Variants in TPR observed in about 807,000 individuals in gnomAD.
The protein encoded by TPR is translocated promoter region, nuclear basket protein, also known as nucleoprotein TPR.
A neutral mutation model predicts 316.1 loss-of-function variants in TPR; 51 were observed. The observed-to-expected ratio is 0.16, with a 90% CI of 0.13 to 0.20. The LOEUF is 0.20. Among genes scored for constraint, TPR ranks in the 10% least tolerant of loss-of-function variants. The pLI is 1.00. For missense variants in TPR, 2,272 were observed against 2,754.8 expected (o/e 0.82, Z 3.92); for synonymous variants, 981 against 914.7 (o/e 1.07, Z -1.31).
intron 27 of TPR, chr1:186,342,856 T>C (rs1328068233): frequency 1.3e-5 from 2 of 152,258 alleles, no homozygotes; most frequent in Non-Finnish European, 2.9e-5. Context: ...TTTACTACTT[T>C]TTGCTCCTTG....
intron 2 of TPR, among the ~76,000 whole-genome samples, chr1:186,371,473 T>A (rs1011027247): frequency 6.6e-6 from 1 of 152,298 alleles, no homozygotes; most frequent in African/African-American, 2.4e-5. Flanking sequence ...AATGAATATT[T>A]GCAATTCCTA....
In TPR at chr1:186,339,779, T is replaced by C. The variant is rs1658457151; in HGVS notation, c.4021-7A>G. 1.3e-6 allele frequency: 2 copies of C among 1,561,586 alleles called. No homozygotes were observed. The highest frequency in any genetic ancestry group is 8.6e-7 in the Non-Finnish European group (1 of 1,159,862). On this transcript the variant is annotated splice_polypyrimidine_tract_variant and splice_region_variant and intron_variant, in intron 29 of 50. Transcript: ENST00000367478. ...TCTGTTGACTTACTAGATGCTAGAA[T>C]AACAAAAATGCATACTTGATTTTTT...
rs1202839792 is a variant in TPR, at chr1:186,313,005, G to A, written c.*966C>T. The A allele has an allele frequency of 3.1e-5, 36 of 1,171,094 alleles. No individual in the cohort carries two copies. Among genetic ancestry groups the A allele is most frequent in the South Asian group, 5.0e-5 (4 of 80,732 alleles). 72.5% of individuals were successfully genotyped at this position (1,171,094 alleles called of 1,614,324 possible). On this transcript the variant is annotated 3_prime_UTR_variant, in exon 51 of 51. Transcript: ENST00000367478. ...GACTGAATGTGAGAAGTTACACTAC[G>A]GTACTTATTCTAATTGCTGTGGAAA...
chr1:186,359,842 T>C lies in TPR; in HGVS notation c.1346A>G (p.Lys449Arg). ...CTTAACAGATAAACTTGCTACAGCT[T>C]TCTGTGCACGTTCATATTCCTCACG... Reference protein sequence around the residue: ...RQREEYERAQKAVASLSVKLE... With the variant: ...RQREEYERAQRAVASLSVKLE... The change falls in exon 12 of 51, where the codon AAA (lysine) becomes AGA (arginine). Residue 449 changes from lysine to arginine, a missense_variant. Coordinates refer to ENST00000367478, the MANE Select transcript of TPR (RefSeq NM_003292.3). The C allele has an allele frequency of 1.3e-6, 2 of 1,590,848 alleles. No individual in the cohort carries two copies. The highest frequency in any genetic ancestry group is 1.7e-6 in the Non-Finnish European group (2 of 1,174,166).
In TPR at chr1:186,313,675, A is replaced by C. The variant is rs755758344; in HGVS notation, c.*296T>G. 4 of 1,562,996 alleles carry C rather than the reference A, an allele frequency of 2.6e-6. No homozygotes were observed. The East Asian group carries it at 6.7e-5, about 26-fold the overall frequency. ...TAACTAAAAAAATGTTTTCTCTTCC[A>C]TTTAGATCAATACTATAACATTGAT... On this transcript the variant is annotated 3_prime_UTR_variant, in exon 51 of 51. Transcript: ENST00000367478.
chr1:186,322,183 C>A, intron 45 of TPR, 135 bp downstream of exon 45: 2 of 782,488 alleles, frequency 2.6e-6, no homozygotes, highest in Admixed American at 3.1e-5. Flanking sequence ...CTCAACTGAC[C>A]TACCCCAAGT....
At chr1:186,353,529 C>T (rs1044998077) in intron 18 of TPR, among the ~76,000 whole-genome samples, 159 bp downstream of exon 18, 4 of 152,182 alleles carry the variant, frequency 2.6e-5, no homozygotes, top group Admixed American at 6.5e-5. Context: ...ACCCCACTAA[C>T]GCACACTGGC....
rs550872074 is a variant in TPR at position 186,347,530 on chromosome 1, A to C, written c.2777-72T>G. On this transcript the variant is annotated intron_variant, in intron 21 of 50. Transcript: ENST00000367478. ...TAGAGATGACTGTTATAAAGAGCTTATGAAATTAGCATTAAGGTTCAAATA... is the reference window on the plus strand; with the variant it reads ...TAGAGATGACTGTTATAAAGAGCTTCTGAAATTAGCATTAAGGTTCAAATA... 28 of 1,458,156 alleles carry C rather than the reference A, an allele frequency of 1.9e-5. No individual in the cohort carries two copies. The South Asian group carries it at 3.2e-4, about 17-fold the overall frequency. 90.3% of individuals were successfully genotyped at this position (1,458,156 alleles called of 1,614,324 possible). A position where few individuals can be genotyped will look rare whatever the true frequency, so the allele number is the denominator to read the frequency against.
intron 4 of TPR, 90 bp from the exon 5 acceptor site, chr1:186,363,535 T>G: frequency 1.2e-6 from 1 of 865,086 alleles, no homozygotes; most frequent in South Asian, 1.6e-5. Flanking sequence ...ATATAAACCT[T>G]TAATACAAAG....
chr1:186,349,723 G>C (rs16825224), intron 21 of TPR, among the ~76,000 whole-genome samples: 20,394 of 151,520 alleles, frequency 0.13, 1,508 homozygotes, highest in Non-Finnish European at 0.16. Flanking sequence ...AGACACAAAG[G>C]CTTCGAACTT....
chr1:186,330,132 T>C lies in TPR; in HGVS notation c.5688+1366A>G, dbSNP rs192851248. On this transcript the variant is annotated intron_variant, in intron 39 of 50. Coordinates refer to ENST00000367478, the MANE Select transcript of TPR (RefSeq NM_003292.3). The stretch of plus-strand genomic sequence containing the variant: ...TACATTGTGATTTGAGAGACCAAAA[T>C]AGATGCCATTTTCTCAACTAAGACA... Among the ~76,000 whole-genome samples the C allele has an allele frequency of 2.6e-5, 4 of 152,214 alleles. No homozygotes were observed. In the East Asian group the frequency reaches 5.8e-4, roughly 22 times the overall value.
In TPR at chr1:186,358,656, A is replaced by T. The variant is rs1218088001; in HGVS notation, c.1390-6T>A. On this transcript the variant is annotated splice_polypyrimidine_tract_variant and splice_region_variant and intron_variant, in intron 12 of 50. Coordinates refer to ENST00000367478, the MANE Select transcript of TPR (RefSeq NM_003292.3). The stretch of plus-strand genomic sequence containing the variant: ...TCCTGCAATCGCTGAATCTCCTTTA[A>T]AATGTAAATTCAAGTGAAAATTTTG... 3.1e-6 allele frequency: 5 copies of T among 1,609,972 alleles called. No individual in the cohort carries two copies. The Admixed American group carries it at 8.4e-5, about 27-fold the overall frequency.
Position 186,312,179 on chromosome 1 carries a change from C to A in TPR, c.*1792G>T. On this transcript the variant is annotated 3_prime_UTR_variant, in exon 51 of 51. Transcript: ENST00000367478. Reference sequence around the variant, plus strand: ...TGATATTCTAATACATAACAGGTGGCAGCATTCAGCAGTATATTTATAAAC... The same window carrying A: ...TGATATTCTAATACATAACAGGTGGAAGCATTCAGCAGTATATTTATAAAC... 6.2e-7 allele frequency: 1 copy of A among 1,613,340 alleles called. No individual in the cohort carries two copies. Among genetic ancestry groups the A allele is most frequent in the South Asian group, 1.1e-5 (1 of 91,046 alleles).
chr1:186,363,990 C>T (rs971950979), intron 4 of TPR, among the ~76,000 whole-genome samples: 1 of 152,100 alleles, frequency 6.6e-6, no homozygotes, highest in Non-Finnish European at 1.5e-5. Context: ...GCAGTAAGCT[C>T]AAGTGTTTTG....
chr1:186,325,485 C>T, intron 42 of TPR: 1 of 240,006 alleles, frequency 4.2e-6, no homozygotes, highest in Non-Finnish European at 7.9e-6. Flanking sequence ...TTTAATTTTT[C>T]CTCTTAATGG....
chr1:186,341,139 A>G lies in TPR; in HGVS notation c.3909T>C (p.Asp1303=), dbSNP rs1658496869. 3 of 1,614,070 alleles carry G rather than the reference A, an allele frequency of 1.9e-6. No homozygotes were observed. The East Asian group carries it at 6.7e-5, about 36-fold the overall frequency. ...CATTTGCTTCTTGTAAGGGTAAAAT[A>G]TCTAACTCCAGTTTCCTCACCTGAA... ...MQAKVRKLEL[D]ILPLQEANAE... is the part of the protein sequence containing the mutation. The change falls in exon 29 of 51, where the codon GAT becomes GAC. Residue 1303 remains aspartate, a synonymous_variant. Coordinates refer to ENST00000367478, the MANE Select transcript of TPR (RefSeq NM_003292.3).
Position 186,374,866 on chromosome 1 carries a change from C to A in TPR, c.151+12G>T. On this transcript the variant is annotated intron_variant, in intron 1 of 50. Coordinates refer to ENST00000367478, the MANE Select transcript of TPR (RefSeq NM_003292.3). Reference sequence around the variant, plus strand: ...AGCCCAAAACCAAGGACGGAAAGAGCATCTCACTTACCGCTCTCCACCTTA... The same window carrying A: ...AGCCCAAAACCAAGGACGGAAAGAGAATCTCACTTACCGCTCTCCACCTTA... 8 of 1,586,744 alleles carry A rather than the reference C, an allele frequency of 5.0e-6. No individual in the cohort carries two copies. The highest frequency in any genetic ancestry group is 6.9e-6 in the Non-Finnish European group (8 of 1,159,372).
rs1424884802 is a variant in TPR at position 186,312,707 on chromosome 1, T to C, written c.*1264A>G. ...TGAGATTAAAACTCAGATGTCTGGC[T>C]CTTTCCAAGATAGTACATTGCCTTT... On this transcript the variant is annotated 3_prime_UTR_variant, in exon 51 of 51. Transcript: ENST00000367478. 29 of 1,553,738 alleles carry C rather than the reference T, an allele frequency of 1.9e-5. No individual in the cohort carries two copies. The highest frequency in any genetic ancestry group is 2.5e-5 in the Non-Finnish European group (28 of 1,126,238).
chr1:186,352,750 A>T (rs1224255035), intron 18 of TPR, among the ~76,000 whole-genome samples: 14 of 152,190 alleles, frequency 9.2e-5, no homozygotes, highest in African/African-American at 3.4e-4. Context: ...GCCTTATAAG[A>T]GCATTATAAG....
Sources: gnomAD v4.1 joint callset for allele counts (sites outside exome capture counted in the v4.1 genomes callset) on GRCh38, gnomAD v4.1.1 for gene constraint, MANE v1.5 for transcripts, NCBI Gene and HGNC (gene_info 2026-07-23, HGNC 2026-07-21) for gene names.